The following PHLPP1 variants were observed in gnomAD, a reference collection of about 807,000 sequenced individuals.
The protein encoded by PHLPP1 is PH domain and leucine rich repeat protein phosphatase 1.
In PHLPP1, 42 loss-of-function variants were observed where a neutral mutation model predicts 117.2. The observed-to-expected ratio is 0.36, with a 90% CI of 0.28 to 0.46. The LOEUF is 0.46. Ranked by LOEUF, PHLPP1 falls within the 20% of genes least tolerant of loss-of-function variation. PHLPP1 has a pLI of 1.00. For synonymous variants in PHLPP1, 1,042 were observed against 970.7 expected, an observed-to-expected ratio of 1.07 and a Z score of -1.37; for missense variants, 2,084 against 2,241.9, an observed-to-expected ratio of 0.93 and a Z score of 1.42.
chr18:62,822,070 G>A (rs542023767), intron 1 of PHLPP1, among the ~76,000 whole-genome samples: 5 of 152,232 alleles, frequency 3.3e-5, no homozygotes, highest in African/African-American at 9.6e-5. Context: ...CACAGTGTGG[G>A]CTATGGACCA....
At chr18:62,775,047 T>C (rs1599041113) in intron 1 of PHLPP1, among the ~76,000 whole-genome samples, 1 of 152,258 alleles carries the variant, frequency 6.6e-6, no homozygotes, top group East Asian at 1.9e-4. Flanking sequence ...TGAAACTACA[T>C]TCCTCAGGTC....
intron 2 of PHLPP1, among the ~76,000 whole-genome samples, chr18:62,835,013 T>C (rs757888205): frequency 1.3e-5 from 2 of 152,204 alleles, no homozygotes; most frequent in Admixed American, 6.5e-5. Context: ...GAGTATTGAT[T>C]TATCGTCTTG....
At chr18:62,784,090 G>T (rs1206062752) in intron 1 of PHLPP1, among the ~76,000 whole-genome samples, 3 of 151,966 alleles carry the variant, frequency 2.0e-5, no homozygotes, top group Non-Finnish European at 4.4e-5. Flanking sequence ...GTATTTTGAA[G>T]TTATTCTCAT....
In PHLPP1 at chr18:62,975,599, A is replaced by G. The variant is rs1430351836; in HGVS notation, c.3958A>G (p.Lys1320Glu). The stretch of plus-strand genomic sequence containing the variant: ...CTGTGAAGAAGAGCTGAAGAGGATT[A>G]AACAGCACAAGGCCATTATCACTGA... ...MSCEEELKRI[K>E]QHKAIITEDG... Residue 1320 changes from lysine (K) to glutamate (E), a missense_variant, in exon 16 of 17, where the codon AAA becomes GAA. Around this residue, in one of 2 missense-constraint regions of PHLPP1, gnomAD observed 1,365 missense variants for 1,605.9 expected, o/e 0.85. Coordinates refer to ENST00000262719, the MANE Select transcript of PHLPP1 (RefSeq NM_194449.4). 1 of 1,612,642 alleles carries G rather than the reference A, an allele frequency of 6.2e-7. No individual in the cohort carries two copies. Among genetic ancestry groups the G allele is most frequent in the African/African-American group, 1.3e-5 (1 of 75,014 alleles).
intron 3 of PHLPP1, among the ~76,000 whole-genome samples, chr18:62,844,571 C>G (rs190901186): frequency 1.3e-5 from 2 of 152,284 alleles, no homozygotes; most frequent in East Asian, 3.9e-4. Context: ...CTCCCTTTCT[C>G]TCTGGATTAT....
chr18:62,933,970 G>GA (rs1268783416), intron 10 of PHLPP1, among the ~76,000 whole-genome samples: 1 of 152,088 alleles, frequency 6.6e-6, no homozygotes, highest in Admixed American at 6.6e-5. Context: ...CAGCAAACAT[G>GA]AAAAAATGCT....
chr18:62,843,490 A>G (rs1915104054), intron 3 of PHLPP1, among the ~76,000 whole-genome samples: 1 of 152,208 alleles, frequency 6.6e-6, no homozygotes, highest in Non-Finnish European at 1.5e-5. Flanking sequence ...GTGTTCTACC[A>G]AGATAGGCTT....
chr18:62,716,588 T>C lies in PHLPP1; in HGVS notation c.905T>C (p.Leu302Pro). The C allele has an allele frequency of 1.6e-5, 20 of 1,241,032 alleles. No homozygotes were observed. Among genetic ancestry groups the C allele is most frequent in the Non-Finnish European group, 2.0e-5 (20 of 993,076 alleles). The allele number at this position is 1,241,032 out of a possible 1,614,324, so 76.9% of individuals were successfully genotyped here. A position where few individuals can be genotyped will look rare whatever the true frequency, so the allele number is the denominator to read the frequency against. Residue 302 changes from leucine (L) to proline (P), a missense_variant, in exon 1 of 17, where the codon CTA becomes CCA. Physicochemically the swap from Leu to Pro is moderately conservative, Grantham distance 98. This residue lies in a region of PHLPP1 where 719 missense variants were observed against 636.0 expected (regional missense o/e 1.13). Coordinates refer to ENST00000262719, the MANE Select transcript of PHLPP1 (RefSeq NM_194449.4). The surrounding 1 kb of genome is among the most constrained non-coding windows in gnomAD (Gnocchi z 5.7). ...GGPPRAPPAD[L>P]PLPVGGPGGW... is the part of the protein sequence containing the mutation. ...CCTCCGCGCGCGCCCCCCGCCGACC[T>C]ACCCCTGCCCGTCGGCGGCCCGGGC...
chr18:62,756,627 G>A (rs1036324380), intron 1 of PHLPP1, among the ~76,000 whole-genome samples: 2 of 152,072 alleles, frequency 1.3e-5, no homozygotes, highest in African/African-American at 2.4e-5. Context: ...CTGCTGCGGC[G>A]GTTCTACATA....
intron 1 of PHLPP1, among the ~76,000 whole-genome samples, chr18:62,726,295 T>C (rs1471781688): frequency 6.6e-6 from 1 of 151,776 alleles, no homozygotes; most frequent in Non-Finnish European, 1.5e-5. Context: ...GGTAACTCAT[T>C]GTGACTTGTT....
chr18:62,774,253 G>A (rs984604489), intron 1 of PHLPP1, among the ~76,000 whole-genome samples: 1 of 152,124 alleles, frequency 6.6e-6, no homozygotes, highest in African/African-American at 2.4e-5. Context: ...ACTGTTCACT[G>A]CAGCTGAATT....
chr18:62,770,721 T>C (rs939776790), intron 1 of PHLPP1, among the ~76,000 whole-genome samples: 1 of 152,042 alleles, frequency 6.6e-6, no homozygotes, highest in East Asian at 1.9e-4. Context: ...CGGAAGTGTT[T>C]TGGATTTTGG....
intron 1 of PHLPP1, among the ~76,000 whole-genome samples, chr18:62,736,786 G>A (rs1911381166): frequency 6.6e-6 from 1 of 152,158 alleles, no homozygotes; most frequent in Non-Finnish European, 1.5e-5. Context: ...CCAAATTTCA[G>A]TGGAGGTTTG....
At chr18:62,807,583 AGT>A (rs1180713433) in intron 1 of PHLPP1, among the ~76,000 whole-genome samples, 1 of 152,192 alleles carries the variant, frequency 6.6e-6, no homozygotes, top group Non-Finnish European at 1.5e-5. Flanking sequence ...AACGTCATGG[AGT>A]GTATTACACA....
chr18:62,724,391 A>G (rs1379222921), intron 1 of PHLPP1, among the ~76,000 whole-genome samples: 14 of 152,236 alleles, frequency 9.2e-5, no homozygotes, highest in Non-Finnish European at 1.9e-4. Context: ...GAGAAAAAAC[A>G]TTTTAAGAAA....
intron 10 of PHLPP1, among the ~76,000 whole-genome samples, chr18:62,938,973 T>C (rs1439912339): frequency 8.1e-6 from 1 of 124,170 alleles, no homozygotes; most frequent in Non-Finnish European, 1.7e-5. Flanking sequence ...ATTTTTGTCT[T>C]TTTTCTTTCT....
intron 10 of PHLPP1, among the ~76,000 whole-genome samples, chr18:62,939,163 G>A (rs1245491034): frequency 1.3e-5 from 2 of 151,486 alleles, no homozygotes; most frequent in African/African-American, 4.8e-5. Context: ...GCTAATATTT[G>A]TATTTTTAGT....
At chr18:62,838,100 T>G (rs113536098) in intron 2 of PHLPP1, 31 of 152,118 alleles carry the variant, frequency 2.0e-4, no homozygotes, top group African/African-American at 7.0e-4. Flanking sequence ...GTATATCTTC[T>G]TTTATTGCAA....
At position 62,972,543 on chromosome 18, in the gene PHLPP1, A is replaced by T; in HGVS notation, c.3590A>T (p.Asn1197Ile). Residue 1197 changes from asparagine (N) to isoleucine (I), a missense_variant, in exon 15 of 17, where the codon AAC (asparagine) becomes ATC (isoleucine). By Grantham distance (149) the Asn-to-Ile change is moderately radical. Coordinates refer to ENST00000262719, the MANE Select transcript of PHLPP1 (RefSeq NM_194449.4). Reference sequence around the variant, plus strand: ...TGTGTCGCAGCCCTGTCGGTGAATAACTTCTGTGACAACCGCGAAGCCCTG... The same window carrying T: ...TGTGTCGCAGCCCTGTCGGTGAATATCTTCTGTGACAACCGCGAAGCCCTG... Reference protein sequence around the residue: ...KLCVAALSVNNFCDNREALYG... With the variant: ...KLCVAALSVNIFCDNREALYG... The T allele has an allele frequency of 6.2e-7, 1 of 1,613,122 alleles. No individual in the cohort carries two copies. Among genetic ancestry groups the T allele is most frequent in the Non-Finnish European group, 8.5e-7 (1 of 1,179,856 alleles).
Sources: allele counts gnomAD v4.1 joint callset (sites outside exome capture counted in the v4.1 genomes callset), GRCh38; gene constraint gnomAD v4.1.1; regional missense constraint gnomAD v4.1.1; non-coding constraint Gnocchi (gnomAD v3.1); transcripts MANE v1.5; gene names NCBI Gene and HGNC (gene_info 2026-07-23, HGNC 2026-07-21).